Variants in FOXP2 observed in about 807,000 individuals in gnomAD.
The protein encoded by FOXP2 is forkhead box P2.
FOXP2 carries 12 observed loss-of-function variants against 115.8 expected under a neutral mutation model. That is an observed-to-expected ratio of 0.10 (90% CI 0.07 to 0.17). The LOEUF (loss-of-function observed/expected upper bound fraction) is 0.17, where lower values mean the gene tolerates loss of function less well. FOXP2 is among the 10% of genes least tolerant of loss of function. The pLI is 1.00. For synonymous variants in FOXP2, 328 were observed against 297.7 expected (o/e 1.10, Z -1.05); for missense variants, 629 against 843.5 (o/e 0.75, Z 3.15).
chr7:114,265,151 A>C (rs1382899819), intron 1 of FOXP2, among the ~76,000 whole-genome samples: 2 of 152,188 alleles, frequency 1.3e-5, no homozygotes, highest in African/African-American at 4.8e-5. Context: ...GCATTAACTC[A>C]AAAGTCCAAA....
intron 1 of FOXP2, among the ~76,000 whole-genome samples, chr7:114,421,625 G>A (rs1446306321): frequency 2.0e-5 from 3 of 151,424 alleles, no homozygotes; most frequent in African/African-American, 4.8e-5. Context: ...ATGTCACTTG[G>A]TATAGTAAAA....
intron 2 of FOXP2, among the ~76,000 whole-genome samples, chr7:114,318,795 C>A (rs1486993352): frequency 6.6e-6 from 1 of 151,752 alleles, no homozygotes; most frequent in East Asian, 1.9e-4. Context: ...CTCATACATA[C>A]AAATAAATAC....
intron 3 of FOXP2, among the ~76,000 whole-genome samples, chr7:114,580,192 G>A (rs1801776487): frequency 6.6e-6 from 1 of 152,242 alleles, no homozygotes; most frequent in East Asian, 1.9e-4. Context: ...AAAAAATATT[G>A]GAGTCTATGT....
At chr7:114,324,797 T>A (rs1188482141) in intron 2 of FOXP2, among the ~76,000 whole-genome samples, 4 of 151,900 alleles carry the variant, frequency 2.6e-5, no homozygotes, top group Admixed American at 2.6e-4. Context: ...TGTTTATCAG[T>A]GCTAGTACTT....
At chr7:114,276,616 G>A (rs943590629) in intron 1 of FOXP2, among the ~76,000 whole-genome samples, 1 of 152,104 alleles carries the variant, frequency 6.6e-6, no homozygotes, top group Non-Finnish European at 1.5e-5. Context: ...TTTTAGGATT[G>A]TCCTCACTGA....
In FOXP2 at chr7:114,689,829, A is replaced by G; in HGVS notation, c.2051A>G (p.Asp684Gly). Residue 684 changes from aspartate to glycine, a missense_variant, in exon 17 of 17, where the codon GAC (aspartate) becomes GGC (glycine). By Grantham distance (94) the Asp-to-Gly change is moderately conservative. Around this residue, in one of 9 missense-constraint regions of FOXP2, gnomAD observed 117 missense variants for 112.3 expected, o/e 1.04. Coordinates refer to ENST00000350908, the MANE Select transcript of FOXP2 (RefSeq NM_014491.4). ...KEEPVIAEDEDCPMSLVTTAN... is the reference protein window; with the variant it reads ...KEEPVIAEDEGCPMSLVTTAN... Reference sequence around the variant, plus strand: ...GAGCCAGTGATTGCAGAGGATGAAGACTGCCCAATGTCCTTAGTGACAACA... The same window carrying G: ...GAGCCAGTGATTGCAGAGGATGAAGGCTGCCCAATGTCCTTAGTGACAACA... 1.2e-6 allele frequency: 2 copies of G among 1,613,552 alleles called. No homozygotes were observed. Among genetic ancestry groups the G allele is most frequent in the Non-Finnish European group, 1.7e-6 (2 of 1,179,582 alleles).
At chr7:114,677,385 A>G (rs1221442590) in intron 16 of FOXP2, among the ~76,000 whole-genome samples, 1 of 152,160 alleles carries the variant, frequency 6.6e-6, no homozygotes, top group Non-Finnish European at 1.5e-5. Context: ...ATTCTGTTTA[A>G]CATCTATTGA....
chr7:114,269,430 TTTTG>T (rs1459073642), intron 1 of FOXP2, among the ~76,000 whole-genome samples: 1 of 152,118 alleles, frequency 6.6e-6, no homozygotes, highest in Non-Finnish European at 1.5e-5. Flanking sequence ...TTAAATCTTT[TTTTG>T]TTTGTTTTTG....
chr7:114,499,098 T>C, intron 2 of FOXP2: 3 of 545,390 alleles, frequency 5.5e-6, no homozygotes, highest in Non-Finnish European at 9.8e-6. Context: ...CTGCAGGTAA[T>C]TCTGATGCAT....
rs111898145 is a variant in FOXP2, at chr7:114,144,538, G to A, written c.-246-18406G>A. On this transcript the variant is annotated intron_variant, in intron 1 of 19. Coordinates refer to the FOXP2 transcript ENST00000635638. ...TCAAGCAGTTTGTCACAAATTTTCT[G>A]ATAGTAGATCTTCTAACCATGTTGA... Among the ~76,000 whole-genome samples the A allele has an allele frequency of 9.6e-3, 1,453 of 152,100 alleles. 31 individuals carry two copies. Among genetic ancestry groups the A allele is most frequent in the African/African-American group, 0.033 (1,383 of 41,504 alleles).
chr7:114,463,569 A>C (rs1795674295), intron 2 of FOXP2, among the ~76,000 whole-genome samples: 1 of 152,240 alleles, frequency 6.6e-6, no homozygotes, highest in South Asian at 2.1e-4. Flanking sequence ...AGACCACTGA[A>C]TATCAAAATA....
intron 1 of FOXP2, among the ~76,000 whole-genome samples, chr7:114,149,018 T>C (rs1229119863): frequency 6.6e-6 from 1 of 152,166 alleles, no homozygotes; most frequent in African/African-American, 2.4e-5. Context: ...GCTGGCTAAA[T>C]CATTGAATTG....
intron 1 of FOXP2, among the ~76,000 whole-genome samples, chr7:114,178,926 C>T: frequency 6.6e-6 from 1 of 151,792 alleles, no homozygotes. Flanking sequence ...AACACAATCT[C>T]CTCTCCATAA....
At chr7:114,534,783 G>C in intron 3 of FOXP2, 77 bp downstream of exon 3, 1 of 1,072,958 alleles carries the variant, frequency 9.3e-7, no homozygotes, top group Non-Finnish European at 1.4e-6. Context: ...AGACCCACTT[G>C]TATATATACA....
intron 2 of FOXP2, among the ~76,000 whole-genome samples, chr7:114,453,986 A>G (rs1219748615): frequency 6.6e-6 from 1 of 152,156 alleles, no homozygotes; most frequent in Non-Finnish European, 1.5e-5. Context: ...AAACACCAAA[A>G]GCAATGGCAA....
At chr7:114,134,869 T>C (rs997060661) in intron 1 of FOXP2, among the ~76,000 whole-genome samples, 1 of 152,232 alleles carries the variant, frequency 6.6e-6, no homozygotes, top group African/African-American at 2.4e-5. Flanking sequence ...CCGTAAACAT[T>C]TTCTGATCAC....
At chr7:114,614,755 A>G (rs1478546307) in intron 3 of FOXP2, among the ~76,000 whole-genome samples, 1 of 152,212 alleles carries the variant, frequency 6.6e-6, no homozygotes, top group African/African-American at 2.4e-5. Flanking sequence ...ATCATCAACA[A>G]CAACAAACCA....
At chr7:114,644,826 C>A (rs530040660) in intron 8 of FOXP2, 37 bp downstream of exon 8, 11 of 1,506,738 alleles carry the variant, frequency 7.3e-6, no homozygotes, top group African/African-American at 1.4e-5. Context: ...GGGGCGGGGG[C>A]TGGATTATAT....
intron 2 of FOXP2, among the ~76,000 whole-genome samples, chr7:114,457,736 A>C (rs556165071): frequency 2.8e-4 from 43 of 152,232 alleles, no homozygotes; most frequent in Non-Finnish European, 4.6e-4. Context: ...GTCTCTACTA[A>C]AAATACAAAA....
Sources: gnomAD v4.1 joint callset for allele counts (sites outside exome capture counted in the v4.1 genomes callset) on GRCh38, gnomAD v4.1.1 for gene constraint, gnomAD v4.1.1 regional missense constraint, MANE v1.5 for transcripts, NCBI Gene and HGNC (gene_info 2026-07-23, HGNC 2026-07-21) for gene names.